Variants in UTRN observed in about 807,000 individuals in gnomAD.
The protein encoded by UTRN is utrophin, also known as dystrophin-related protein 1.
UTRN carries 283 observed loss-of-function variants against 463.9 expected under a neutral mutation model. The ratio of observed to expected loss-of-function variants is 0.61; its 90% CI spans 0.55 to 0.67. The LOEUF (loss-of-function observed/expected upper bound fraction) is 0.67, where lower values mean the gene tolerates loss of function less well. UTRN is among the 30% of genes least tolerant of loss of function. The probability of loss-of-function intolerance (pLI) is 0.00; values close to 1 mark genes in which losing one functional copy is unlikely to be tolerated. For synonymous variants in UTRN, 1,442 were observed against 1,431.5 expected, an observed-to-expected ratio of 1.01 and a Z score of -0.17; for missense variants, 3,922 against 4,084.3, an observed-to-expected ratio of 0.96 and a Z score of 1.08.
chr6:144,496,505 G>T (rs577057971), intron 33 of UTRN, among the ~76,000 whole-genome samples: 41 of 152,160 alleles, frequency 2.7e-4, no homozygotes, highest in African/African-American at 9.4e-4. Flanking sequence ...TGAATGGAAT[G>T]GTATTGCTGG....
At chr6:144,794,260 A>G (rs1777022118) in intron 63 of UTRN, among the ~76,000 whole-genome samples, 1 of 151,978 alleles carries the variant, frequency 6.6e-6, no homozygotes, top group Admixed American at 6.6e-5. Context: ...TCCTGGCCTC[A>G]TCTCCTACCA....
At chr6:144,489,295 C>T (rs1792797706) in intron 30 of UTRN, among the ~76,000 whole-genome samples, 1 of 152,176 alleles carries the variant, frequency 6.6e-6, no homozygotes, top group South Asian at 2.1e-4. Flanking sequence ...AAGTGATCTG[C>T]CTGCCTCGGC....
chr6:144,665,939 G>A (rs190311729), intron 51 of UTRN, among the ~76,000 whole-genome samples: 193 of 152,260 alleles, frequency 1.3e-3, no homozygotes, highest in Non-Finnish European at 1.4e-3. Flanking sequence ...TGGCCCCTCT[G>A]TGCACATGAC....
At chr6:144,610,165 AATC>A (rs1805332524) in intron 51 of UTRN, among the ~76,000 whole-genome samples, 1 of 151,792 alleles carries the variant, frequency 6.6e-6, no homozygotes, top group East Asian at 1.9e-4. Context: ...AAAAAAAAAA[AATC>A]AACAGACCAT....
rs186555337 is a variant in UTRN, at chr6:144,689,955, G to A, written c.7653-10132G>A. Among the ~76,000 whole-genome samples the A allele has an allele frequency of 1.1e-4, 16 of 151,812 alleles. No individual in the cohort carries two copies. In the East Asian group the frequency reaches 1.4e-3, roughly 13 times the overall value. On this transcript the variant is annotated intron_variant, in intron 52 of 74. Coordinates refer to ENST00000367545, the MANE Select transcript of UTRN (RefSeq NM_007124.3). ...GGCCTCCAGCTAGAAGGTGGCACTTGGAAAAGGGCACTGGCTGTGGTGGTA... is the reference window on the plus strand; with the variant it reads ...GGCCTCCAGCTAGAAGGTGGCACTTAGAAAAGGGCACTGGCTGTGGTGGTA...
chr6:144,418,688 G>A (rs1442897522), intron 3 of UTRN, among the ~76,000 whole-genome samples: 1 of 151,724 alleles, frequency 6.6e-6, no homozygotes, highest in African/African-American at 2.4e-5. Context: ...CAAGTAGCTG[G>A]GATTACAGGT....
intron 34 of UTRN, among the ~76,000 whole-genome samples, chr6:144,499,898 G>A (rs1794021138): frequency 6.6e-6 from 1 of 152,160 alleles, no homozygotes; most frequent in Non-Finnish European, 1.5e-5. Context: ...AATTCACTTA[G>A]GATAATGGCC....
chr6:144,774,737 A>C (rs531925851), intron 60 of UTRN, among the ~76,000 whole-genome samples: 1 of 152,188 alleles, frequency 6.6e-6, no homozygotes, highest in East Asian at 1.9e-4. Flanking sequence ...CAATACCACT[A>C]TATATAAAGA....
intron 50 of UTRN, among the ~76,000 whole-genome samples, 165 bp downstream of exon 50, chr6:144,557,476 C>T (rs1799491365): frequency 6.6e-6 from 1 of 152,094 alleles, no homozygotes; most frequent in Non-Finnish European, 1.5e-5. Flanking sequence ...ATACTTAGTA[C>T]AGAATGTATG....
rs79429942 is a variant in UTRN, at chr6:144,716,761, G to A, written c.7810-13596G>A. ...TTGCATAGTTTTACTTGGGTGCAGA[G>A]TTTTTATGTCATCTTTTTCACTTAG... is the stretch of plus-strand genomic sequence containing the variant. On this transcript the variant is annotated intron_variant, in intron 53 of 74. Transcript: ENST00000367545. Among the ~76,000 whole-genome samples, 366 of 152,148 alleles carry A rather than the reference G, an allele frequency of 2.4e-3. 2 individuals carry two copies. Among genetic ancestry groups the A allele is most frequent in the Non-Finnish European group, 3.4e-3 (232 of 67,986 alleles).
At chr6:144,463,912 T>C (rs900274245) in intron 23 of UTRN, among the ~76,000 whole-genome samples, 1 of 151,574 alleles carries the variant, frequency 6.6e-6, no homozygotes, top group African/African-American at 2.4e-5. Context: ...TATATGCATA[T>C]ACATCTTTAT....
At chr6:144,417,678 A>G (rs2114836519) in intron 3 of UTRN, among the ~76,000 whole-genome samples, 1 of 152,326 alleles carries the variant, frequency 6.6e-6, no homozygotes, top group Non-Finnish European at 1.5e-5. Flanking sequence ...ACATGTGGGA[A>G]TTATGTGAAA....
intron 2 of UTRN, among the ~76,000 whole-genome samples, chr6:144,354,711 T>C (rs1030227898): frequency 1.3e-5 from 2 of 152,174 alleles, no homozygotes; most frequent in African/African-American, 4.8e-5. Context: ...ACACCTTCTC[T>C]AGGAATTCTC....
intron 9 of UTRN, among the ~76,000 whole-genome samples, chr6:144,435,262 C>G (rs938480850): frequency 2.0e-5 from 3 of 152,078 alleles, no homozygotes; most frequent in Non-Finnish European, 4.4e-5. Flanking sequence ...AACAAAAGAA[C>G]TAGGGAGAGT....
At position 144,482,411 on chromosome 6, in the gene UTRN, G is replaced by GTTGTTATTATTA. The variant is rs780469923; in HGVS notation, c.3687+25_3687+26insGTTATTATTATT. On this transcript the variant is annotated intron_variant, in intron 27 of 74. Coordinates refer to ENST00000367545, the MANE Select transcript of UTRN (RefSeq NM_007124.3). ...GAGGTATGCTATTATTATTATTGTT[G>GTTGTTATTATTA]TTATTATTATTATTATTATTATTAT... 1,366 of 1,002,558 alleles carry GTTGTTATTATTA rather than the reference G, an allele frequency of 1.4e-3. 15 individuals carry two copies. The African/African-American group carries it at 0.024, about 17-fold the overall frequency. 62.1% of individuals were successfully genotyped at this position (1,002,558 alleles called of 1,614,324 possible).
intron 2 of UTRN, among the ~76,000 whole-genome samples, chr6:144,312,542 T>C (rs1172738362): frequency 6.6e-6 from 1 of 152,220 alleles, no homozygotes; most frequent in East Asian, 1.9e-4. Context: ...AAAATAAGCA[T>C]GTAAAAATAG....
At chr6:144,318,460 AATTTT>A (rs982806868) in intron 2 of UTRN, among the ~76,000 whole-genome samples, 1 of 151,154 alleles carries the variant, frequency 6.6e-6, no homozygotes, top group African/African-American at 2.4e-5. Context: ...ACGCCTGGCT[AATTTT>A]ATTTTATTTT....
At chr6:144,683,097 A>G (rs1005986885) in intron 52 of UTRN, among the ~76,000 whole-genome samples, 1 of 152,200 alleles carries the variant, frequency 6.6e-6, no homozygotes, top group African/African-American at 2.4e-5. Context: ...CTCAAATGCC[A>G]TGTTAATTAC....
chr6:144,299,077 T>G (rs1233819780), intron 2 of UTRN, among the ~76,000 whole-genome samples: 2 of 152,240 alleles, frequency 1.3e-5, no homozygotes, highest in Non-Finnish European at 2.9e-5. Flanking sequence ...GTCATGTTAT[T>G]TAACATTGAT....
Sources: gnomAD v4.1 joint callset for allele counts (sites outside exome capture counted in the v4.1 genomes callset) on GRCh38, gnomAD v4.1.1 for gene constraint, MANE v1.5 for transcripts, NCBI Gene and HGNC (gene_info 2026-07-23, HGNC 2026-07-21) for gene names.